The following BCKDHB variants were observed in gnomAD, a reference collection of about 807,000 sequenced individuals.
The protein encoded by BCKDHB is 2-oxoisovalerate dehydrogenase subunit beta, mitochondrial.
A neutral mutation model predicts 48.5 loss-of-function variants in BCKDHB; 41 were observed. The ratio of observed to expected loss-of-function variants is 0.85; its 90% CI spans 0.66 to 1.10. The LOEUF (loss-of-function observed/expected upper bound fraction) is 1.10, where lower values mean the gene tolerates loss of function less well. BCKDHB is among the 50% of genes least tolerant of loss of function. The pLI, the probability that BCKDHB is intolerant of heterozygous loss-of-function variation, is 0.00. For missense variants in BCKDHB, 496 were observed against 494.2 expected (o/e 1.00, Z -0.03); for synonymous variants, 201 against 174.8 (o/e 1.15, Z -1.18).
intron 3 of BCKDHB, among the ~76,000 whole-genome samples, chr6:80,162,146 G>A (rs1285217598): frequency 3.3e-5 from 5 of 152,134 alleles, no homozygotes; most frequent in Admixed American, 1.3e-4. Context: ...CATGCTGCAT[G>A]TTCCGGGTCC....
the BCKDHB span, among the ~76,000 whole-genome samples, chr6:80,392,638 T>G: frequency 7.2e-5 from 11 of 151,948 alleles, no homozygotes; most frequent in African/African-American, 2.6e-4. Flanking sequence ...TTTTATAAAT[T>G]GATTTTCTTG....
intron 8 of BCKDHB, among the ~76,000 whole-genome samples, chr6:80,266,041 A>G (rs549235869): frequency 3.7e-4 from 56 of 152,218 alleles, no homozygotes; most frequent in African/African-American, 1.3e-3. Flanking sequence ...AGAGCCAGGA[A>G]GGGTCTTCTA....
intron 9 of BCKDHB, among the ~76,000 whole-genome samples, chr6:80,339,089 T>A (rs1769760013): frequency 6.6e-6 from 1 of 152,162 alleles, no homozygotes; most frequent in East Asian, 1.9e-4. Context: ...CCAGTGACAC[T>A]GTGACAAGGA....
intron 3 of BCKDHB, among the ~76,000 whole-genome samples, chr6:80,135,007 C>T (rs10943694): frequency 0.37 from 55,825 of 152,008 alleles, 12,262 homozygotes; most frequent in Admixed American, 0.56. Flanking sequence ...CAGCCTTGGC[C>T]TCCCAAAGTG....
rs1016448845 is a variant in BCKDHB at position 80,344,254 on chromosome 6, C to G, written c.*450C>G. The G allele has an allele frequency of 8.3e-6, 2 of 240,252 alleles. No homozygotes were observed. Among genetic ancestry groups the G allele is most frequent in the East Asian group, 1.1e-4 (1 of 9,284 alleles). The allele number at this position is 240,252 out of a possible 1,614,324, so 14.9% of individuals were successfully genotyped here. A position where few individuals can be genotyped will look rare whatever the true frequency, so the allele number is the denominator to read the frequency against. ...TCCTGACCTCAAGTGATCCACCTGCCTTAGCCTCCCAAAGTGCTGGGATTA... is the reference window on the plus strand; with the variant it reads ...TCCTGACCTCAAGTGATCCACCTGCGTTAGCCTCCCAAAGTGCTGGGATTA... On this transcript the variant is annotated 3_prime_UTR_variant, in exon 10 of 10. Transcript: ENST00000320393.
intron 3 of BCKDHB, among the ~76,000 whole-genome samples, chr6:80,130,405 AT>A (rs1770570573): frequency 6.6e-6 from 1 of 151,940 alleles, no homozygotes; most frequent in Non-Finnish European, 1.5e-5. Flanking sequence ...TTCTGAGGTT[AT>A]GTTATACTTA....
At chr6:80,450,417 G>T in the BCKDHB span, among the ~76,000 whole-genome samples, 2 of 152,104 alleles carry the variant, frequency 1.3e-5, no homozygotes, top group Admixed American at 6.6e-5. Context: ...CAAGATCGTG[G>T]ATCCTAGCAC....
intron 3 of BCKDHB, among the ~76,000 whole-genome samples, chr6:80,152,683 T>C (rs141693417): frequency 2.0e-4 from 30 of 152,290 alleles, no homozygotes; most frequent in African/African-American, 6.7e-4. Context: ...AGTTGATTTA[T>C]TATTAGTTGT....
chr6:80,160,206 C>G (rs6909546), intron 3 of BCKDHB, among the ~76,000 whole-genome samples: 56,059 of 151,888 alleles, frequency 0.37, 12,291 homozygotes, highest in East Asian at 0.56. Context: ...TCCCAGGCTG[C>G]AATGCAGTGG....
the BCKDHB span, among the ~76,000 whole-genome samples, chr6:80,388,754 G>A: frequency 6.6e-6 from 1 of 152,108 alleles, no homozygotes; most frequent in Non-Finnish European, 1.5e-5. Flanking sequence ...AGAATACTAG[G>A]TCCTGGTTCA....
At chr6:80,284,619 G>A (rs913812585) in intron 9 of BCKDHB, among the ~76,000 whole-genome samples, 5 of 152,030 alleles carry the variant, frequency 3.3e-5, no homozygotes, top group Non-Finnish European at 5.9e-5. Context: ...GAGTCTATTT[G>A]TCTTTATCAA....
intron 6 of BCKDHB, among the ~76,000 whole-genome samples, chr6:80,198,964 G>T (rs754302647): frequency 6.6e-6 from 1 of 152,182 alleles, no homozygotes; most frequent in Non-Finnish European, 1.5e-5. Context: ...GCAACTGTCA[G>T]TCTGAATCCT....
intron 3 of BCKDHB, among the ~76,000 whole-genome samples, chr6:80,152,956 T>C (rs1441049843): frequency 6.6e-6 from 1 of 152,186 alleles, no homozygotes. Flanking sequence ...TGTGATCTCT[T>C]AGGATCAGTT....
At chr6:80,189,359 T>C (rs886424490) in intron 6 of BCKDHB, among the ~76,000 whole-genome samples, 3 of 152,224 alleles carry the variant, frequency 2.0e-5, no homozygotes, top group South Asian at 2.1e-4. Context: ...CCCTTACTTA[T>C]TCTCTTTGGT....
At chr6:80,380,871 C>A in the BCKDHB span, among the ~76,000 whole-genome samples, 1 of 151,920 alleles carries the variant, frequency 6.6e-6, no homozygotes, top group Non-Finnish European at 1.5e-5. Flanking sequence ...TATAGAAACA[C>A]AATTTTTAAA....
the BCKDHB span, among the ~76,000 whole-genome samples, chr6:80,393,661 C>G: frequency 2.6e-5 from 4 of 152,198 alleles, no homozygotes; most frequent in African/African-American, 9.6e-5. Context: ...ACCCCATCAG[C>G]AAGCCTTCAA....
At chr6:80,347,637 C>G (rs2128023670), downstream of BCKDHB, among the ~76,000 whole-genome samples, 1 of 152,236 alleles carries the variant, frequency 6.6e-6, no homozygotes, top group African/African-American at 2.4e-5. Flanking sequence ...GTCTTTAACT[C>G]TATTTTTGAA....
the BCKDHB span, among the ~76,000 whole-genome samples, chr6:80,354,056 G>C: frequency 6.6e-6 from 1 of 151,994 alleles, no homozygotes; most frequent in Admixed American, 6.6e-5. Context: ...TTGTTGAATT[G>C]AGTTTCTTGT....
chr6:80,255,591 T>A (rs1231567405), intron 8 of BCKDHB, among the ~76,000 whole-genome samples: 1 of 152,100 alleles, frequency 6.6e-6, no homozygotes, highest in African/African-American at 2.4e-5. Context: ...TGGGAGAAAC[T>A]AATGTGGAGA....
Sources: gnomAD v4.1 joint callset for allele counts (sites outside exome capture counted in the v4.1 genomes callset) on GRCh38, gnomAD v4.1.1 for gene constraint, MANE v1.5 for transcripts, NCBI Gene and HGNC (gene_info 2026-07-23, HGNC 2026-07-21) for gene names.